Variants in TBC1D5 observed in about 807,000 individuals in gnomAD.
TBC1D5 encodes TBC1 domain family member 5, also known as TBC1 domain family, member 5.
Under a neutral mutation model 100.3 loss-of-function variants are expected in TBC1D5, and 75 were observed. The observed-to-expected ratio is 0.75, with a 90% confidence interval of 0.62 to 0.91. The LOEUF (loss-of-function observed/expected upper bound fraction) is 0.91. TBC1D5 is among the 40% of genes least tolerant of loss of function. The pLI is 0.00. For synonymous variants in TBC1D5, 323 were observed against 325.6 expected (o/e 0.99, Z 0.09); for missense variants, 910 against 942.4 (o/e 0.97, Z 0.45).
chr3:17,464,770 T>C (rs1425505305), intron 3 of TBC1D5, among the ~76,000 whole-genome samples: 1 of 152,214 alleles, frequency 6.6e-6, no homozygotes, highest in Non-Finnish European at 1.5e-5. Context: ...TGATTCTTTC[T>C]GAAGAAGTCC....
intron 2 of TBC1D5, among the ~76,000 whole-genome samples, chr3:17,516,890 G>A (rs1485232173): frequency 6.6e-6 from 1 of 152,020 alleles, no homozygotes; most frequent in African/African-American, 2.4e-5. Flanking sequence ...GGCTACCTAA[G>A]TCTTCTTTCT....
chr3:17,536,397 A>G (rs1459041953), intron 2 of TBC1D5, among the ~76,000 whole-genome samples: 2 of 152,218 alleles, frequency 1.3e-5, no homozygotes, highest in Non-Finnish European at 2.9e-5. Context: ...TAAAATACAC[A>G]TATTTACCAA....
chr3:17,515,570 G>T (rs1488468665), intron 2 of TBC1D5, among the ~76,000 whole-genome samples: 1 of 152,120 alleles, frequency 6.6e-6, no homozygotes, highest in African/African-American at 2.4e-5. Context: ...AGGTCACAGG[G>T]CAAAGCTACC....
intron 3 of TBC1D5, among the ~76,000 whole-genome samples, chr3:17,487,115 G>C (rs1212224302): frequency 6.6e-6 from 1 of 151,040 alleles, no homozygotes; most frequent in African/African-American, 2.4e-5. Flanking sequence ...TGTTTTCTTG[G>C]AACACATCTA....
At chr3:17,594,865 G>A (rs539011352) in intron 2 of TBC1D5, among the ~76,000 whole-genome samples, 2 of 152,166 alleles carry the variant, frequency 1.3e-5, no homozygotes, top group Non-Finnish European at 2.9e-5. Context: ...TTAATACGGA[G>A]TGTCAACTTG....
At chr3:17,303,284 T>C (rs2083045871) in intron 14 of TBC1D5, among the ~76,000 whole-genome samples, 1 of 152,222 alleles carries the variant, frequency 6.6e-6, no homozygotes, top group Admixed American at 6.5e-5. Flanking sequence ...AACTTCTTCC[T>C]TTGAAGTTAA....
chr3:17,706,288 G>C (rs943550279), intron 1 of TBC1D5: 2 of 1,540,336 alleles, frequency 1.3e-6, no homozygotes, highest in African/African-American at 2.7e-5. Context: ...AGTTGAACTA[G>C]AGGGTCTCAC....
chr3:17,551,720 T>C (rs2096475319), intron 2 of TBC1D5, among the ~76,000 whole-genome samples: 1 of 152,140 alleles, frequency 6.6e-6, no homozygotes, highest in Non-Finnish European at 1.5e-5. Context: ...CTTTCTGCAC[T>C]CCAGTGGGCC....
At chr3:17,602,942 G>A (rs73165771) in intron 2 of TBC1D5, among the ~76,000 whole-genome samples, 7,675 of 151,898 alleles carry the variant, frequency 0.051, 622 homozygotes, top group African/African-American at 0.17. Context: ...TTGGCCAGAC[G>A]GAACCAAAAT....
At position 17,251,077 on chromosome 3, in the gene TBC1D5, C is replaced by T. The variant is rs967447418; in HGVS notation, c.1331+7429G>A. 4.6e-5 allele frequency among the ~76,000 whole-genome samples: 7 copies of T among 152,220 alleles called. No homozygotes were observed. The East Asian group carries it at 1.4e-3, about 29-fold the overall frequency. Reference sequence around the variant, plus strand: ...AAAGTGCCTGTATTTCCTTAGTCACCAATGAGGGAGTACGAATGGAAACAA... The same window carrying T: ...AAAGTGCCTGTATTTCCTTAGTCACTAATGAGGGAGTACGAATGGAAACAA... On this transcript the variant is annotated intron_variant, in intron 16 of 21. Transcript: ENST00000253692.
At chr3:17,297,341 C>T (rs1276529279) in intron 14 of TBC1D5, among the ~76,000 whole-genome samples, 1 of 152,110 alleles carries the variant, frequency 6.6e-6, no homozygotes, top group African/African-American at 2.4e-5. Context: ...CTTTGGAAGG[C>T]CAAGGTGGGC....
intron 1 of TBC1D5, among the ~76,000 whole-genome samples, chr3:17,667,013 G>C (rs145406138): frequency 6.6e-4 from 101 of 152,128 alleles, no homozygotes; most frequent in African/African-American, 2.1e-3. Context: ...ATGAATACAA[G>C]ACAGTGTGAG....
chr3:17,525,922 G>A (rs1164240099), intron 2 of TBC1D5, among the ~76,000 whole-genome samples: 2 of 151,862 alleles, frequency 1.3e-5, no homozygotes, highest in Non-Finnish European at 2.9e-5. Flanking sequence ...TATATCCGTC[G>A]GAACAGATTC....
At chr3:17,200,023 G>A (rs1027884033) in intron 18 of TBC1D5, among the ~76,000 whole-genome samples, 1 of 151,420 alleles carries the variant, frequency 6.6e-6, no homozygotes, top group Non-Finnish European at 1.5e-5. Context: ...GAGCTAGAGA[G>A]GGGAAAGGAG....
At chr3:17,624,164 C>A (rs1177427098) in intron 1 of TBC1D5, among the ~76,000 whole-genome samples, 1 of 152,094 alleles carries the variant, frequency 6.6e-6, no homozygotes, top group Non-Finnish European at 1.5e-5. Flanking sequence ...CAAAGTATTA[C>A]AAAATTACAC....
intron 4 of TBC1D5, among the ~76,000 whole-genome samples, chr3:17,420,531 G>A (rs1483456727): frequency 1.3e-5 from 2 of 151,884 alleles, no homozygotes; most frequent in South Asian, 2.1e-4. Context: ...GCAAGATATT[G>A]GTGAATTTTT....
intron 2 of TBC1D5, among the ~76,000 whole-genome samples, chr3:17,545,361 C>G (rs957724923): frequency 2.0e-5 from 3 of 152,218 alleles, no homozygotes; most frequent in African/African-American, 7.2e-5. Context: ...CAAAAGCAAT[C>G]AACCTTTGCT....
At chr3:17,668,846 C>T (rs1056341956) in intron 1 of TBC1D5, among the ~76,000 whole-genome samples, 21 of 152,102 alleles carry the variant, frequency 1.4e-4, no homozygotes, top group Admixed American at 1.3e-3. Context: ...TACGAAGTTC[C>T]ACAGGAAGTA....
chr3:17,735,718 C>T (rs1175089029), intron 1 of TBC1D5, among the ~76,000 whole-genome samples: 2 of 152,224 alleles, frequency 1.3e-5, no homozygotes, highest in Non-Finnish European at 2.9e-5. Flanking sequence ...TTAGCCCGAT[C>T]AGGAGCAGCA....
Sources: gnomAD v4.1 joint callset for allele counts (sites outside exome capture counted in the v4.1 genomes callset) on GRCh38, gnomAD v4.1.1 for gene constraint, MANE v1.5 for transcripts, NCBI Gene and HGNC (gene_info 2026-07-23, HGNC 2026-07-21) for gene names.